Variants in SNX24 observed in about 807,000 individuals in gnomAD.
SNX24 encodes the protein sorting nexin 24, also known as sorting nexin-24.
SNX24 carries 22 observed loss-of-function variants against 28.7 expected under a neutral mutation model. That is an observed-to-expected ratio of 0.77 (90% CI 0.55 to 1.10). The LOEUF is 1.10. Ranked by LOEUF, SNX24 falls within the 50% of genes least tolerant of loss-of-function variation. The probability of loss-of-function intolerance (pLI) is 0.00; values close to 1 mark genes in which losing one functional copy is unlikely to be tolerated. For synonymous variants in SNX24, 69 were observed against 71.5 expected (o/e 0.96, Z 0.18); for missense variants, 221 against 201.1 (o/e 1.10, Z -0.60).
chr5:122,914,790 T>G (rs1284261954), intron 1 of SNX24, among the ~76,000 whole-genome samples: 1 of 152,184 alleles, frequency 6.6e-6, no homozygotes, highest in Admixed American at 6.5e-5. Context: ...TCTCTCTATT[T>G]TTCTTTATTA....
At chr5:122,914,135 G>C (rs1400712543) in intron 1 of SNX24, among the ~76,000 whole-genome samples, 1 of 152,112 alleles carries the variant, frequency 6.6e-6, no homozygotes, top group Non-Finnish European at 1.5e-5. Flanking sequence ...GGGAGAGGGA[G>C]AGGGAGAGGG....
chr5:122,957,936 G>A (rs1337776037), intron 3 of SNX24, among the ~76,000 whole-genome samples: 1 of 152,076 alleles, frequency 6.6e-6, no homozygotes, highest in Non-Finnish European at 1.5e-5. Flanking sequence ...AGAGTCTTAA[G>A]GATTTTCTAC....
At chr5:122,978,656 C>T (rs1014523951) in intron 3 of SNX24, among the ~76,000 whole-genome samples, 1 of 152,124 alleles carries the variant, frequency 6.6e-6, no homozygotes, top group Admixed American at 6.5e-5. Flanking sequence ...AAGTATTCTG[C>T]TTGAATCAAT....
chr5:122,849,049 A>G (rs1754780223), intron 1 of SNX24, among the ~76,000 whole-genome samples: 1 of 152,178 alleles, frequency 6.6e-6, no homozygotes, highest in South Asian at 2.1e-4. Context: ...TTCCCCAGGT[A>G]TCTGCTGATG....
intron 1 of SNX24, among the ~76,000 whole-genome samples, chr5:122,865,831 C>T (rs181901435): frequency 6.6e-6 from 1 of 152,254 alleles, no homozygotes; most frequent in African/African-American, 2.4e-5. Flanking sequence ...ATAATTCTAC[C>T]TCACATGATA....
intron 1 of SNX24, among the ~76,000 whole-genome samples, chr5:122,854,218 C>G (rs147559618): frequency 1.3e-5 from 2 of 152,054 alleles, no homozygotes; most frequent in Admixed American, 1.3e-4. Context: ...TAAAAATAAT[C>G]ATAGTGTAGG....
intron 1 of SNX24, among the ~76,000 whole-genome samples, chr5:122,861,966 T>C (rs1357777358): frequency 6.6e-6 from 1 of 152,228 alleles, no homozygotes; most frequent in Non-Finnish European, 1.5e-5. Flanking sequence ...AAATTCATTT[T>C]TGTGGTTACT....
At chr5:122,873,457 A>C (rs2150053715) in intron 1 of SNX24, among the ~76,000 whole-genome samples, 1 of 152,226 alleles carries the variant, frequency 6.6e-6, no homozygotes, top group African/African-American at 2.4e-5. Flanking sequence ...TGCTGTGAGC[A>C]TGTTTGCATG....
chr5:122,850,026 A>G (rs1754822541), intron 1 of SNX24, among the ~76,000 whole-genome samples: 1 of 152,116 alleles, frequency 6.6e-6, no homozygotes, highest in African/African-American at 2.4e-5. Context: ...TCCCCTTGAG[A>G]GCTATAAGGG....
chr5:122,850,894 C>T (rs1014842642), intron 1 of SNX24, among the ~76,000 whole-genome samples: 2 of 151,104 alleles, frequency 1.3e-5, no homozygotes, highest in Non-Finnish European at 2.9e-5. Context: ...GCACAGAAGC[C>T]AGAGGGAGAA....
At chr5:122,917,081 A>C (rs563828251) in intron 1 of SNX24, among the ~76,000 whole-genome samples, 1 of 152,260 alleles carries the variant, frequency 6.6e-6, no homozygotes, top group Non-Finnish European at 1.5e-5. Flanking sequence ...ATCCTGGCCA[A>C]CATGGTGAAA....
chr5:123,026,955 G>A (rs574145729), intron 5 of SNX24, among the ~76,000 whole-genome samples: 1 of 152,292 alleles, frequency 6.6e-6, no homozygotes, highest in African/African-American at 2.4e-5. Flanking sequence ...AGCACTTTGG[G>A]AGGCTGAGGC....
chr5:122,915,113 C>T (rs1197596520), intron 1 of SNX24, among the ~76,000 whole-genome samples: 1 of 152,192 alleles, frequency 6.6e-6, no homozygotes, highest in East Asian at 1.9e-4. Context: ...TGCCCCAAAT[C>T]TGAAAAATCT....
chr5:123,026,235 C>G (rs1412758833), intron 5 of SNX24, among the ~76,000 whole-genome samples: 1 of 152,144 alleles, frequency 6.6e-6, no homozygotes, highest in Non-Finnish European at 1.5e-5. Context: ...AAGGGCCAAA[C>G]CTTGATCAAG....
chr5:122,892,318 T>A (rs1400806913), intron 1 of SNX24, among the ~76,000 whole-genome samples: 2 of 152,304 alleles, frequency 1.3e-5, no homozygotes, highest in Non-Finnish European at 2.9e-5. Context: ...CAAATTACAT[T>A]TTACCCTTTT....
intron 1 of SNX24, among the ~76,000 whole-genome samples, chr5:122,861,165 C>T (rs930148377): frequency 1.3e-5 from 2 of 151,922 alleles, no homozygotes; most frequent in African/African-American, 2.4e-5. Flanking sequence ...CGTGGTGAAA[C>T]CCTGTCTCTA....
intron 3 of SNX24, among the ~76,000 whole-genome samples, chr5:122,977,993 T>C (rs1761238720): frequency 1.3e-5 from 2 of 152,186 alleles, no homozygotes; most frequent in Admixed American, 6.5e-5. Context: ...ATACAAACAT[T>C]GATAAGAATT....
downstream of SNX24, among the ~76,000 whole-genome samples, chr5:123,011,626 T>C (rs186173685): frequency 5.4e-4 from 82 of 152,328 alleles, no homozygotes; most frequent in Middle Eastern, 3.4e-3. Context: ...TCAAGAAGAA[T>C]TCTGGCACAC....
chr5:122,869,001 CATTTT>C (rs1177166376), intron 1 of SNX24, among the ~76,000 whole-genome samples: 2 of 152,296 alleles, frequency 1.3e-5, no homozygotes, highest in Admixed American at 6.5e-5. Context: ...AACGTTTTTA[CATTTT>C]ATTATCTGAT....
Sources: gnomAD v4.1 joint callset for allele counts (sites outside exome capture counted in the v4.1 genomes callset) on GRCh38, gnomAD v4.1.1 for gene constraint, MANE v1.5 for transcripts, NCBI Gene and HGNC (gene_info 2026-07-23, HGNC 2026-07-21) for gene names.